The following POLR2F variants were observed in gnomAD, a reference collection of about 807,000 sequenced individuals.
POLR2F encodes the protein RNA polymerase II, I and III subunit F, also known as DNA-directed RNA polymerases I, II, and III subunit RPABC2.
A neutral mutation model predicts 22.7 loss-of-function variants in POLR2F; 12 were observed. That is an observed-to-expected ratio of 0.53 (90% CI 0.34 to 0.86). POLR2F has a LOEUF of 0.86. Among genes scored for constraint, POLR2F ranks in the 40% least tolerant of loss-of-function variants. The probability of loss-of-function intolerance (pLI) is 0.02; values close to 1 mark genes in which losing one functional copy is unlikely to be tolerated. For synonymous variants in POLR2F, 57 were observed against 66.0 expected (o/e 0.86, Z 0.66); for missense variants, 126 against 171.5 (o/e 0.73, Z 1.48).
Position 37,986,586 on chromosome 22 carries a change from T to C in POLR2F, c.120+274T>C, listed in dbSNP as rs1932586939. 5 of 727,558 alleles carry C rather than the reference T, an allele frequency of 6.9e-6. No individual in the cohort carries two copies. In the East Asian group the frequency reaches 8.3e-5, roughly 12 times the overall value. The allele number at this position is 727,558 out of a possible 1,614,324, so 45.1% of individuals were successfully genotyped here. Reference sequence around the variant, plus strand: ...ACGCTCTGTCTGCAGGAAGCCACGCTAGACAGAAGGGGCCACTCCCTCTCT... The same window carrying C: ...ACGCTCTGTCTGCAGGAAGCCACGCCAGACAGAAGGGGCCACTCCCTCTCT... On this transcript the variant is annotated intron_variant, in intron 1 of 2. Coordinates refer to the POLR2F transcript ENST00000333418. This position sits in a 1 kb window ranked among gnomAD's most constrained non-coding sequence, Gnocchi z 4.7.
chr22:37,996,859 G>C (rs1435282113), intron 1 of POLR2F, among the ~76,000 whole-genome samples: 2 of 152,174 alleles, frequency 1.3e-5, no homozygotes, highest in Admixed American at 6.5e-5. Context: ...ATTTGGGTGG[G>C]ACATCTGTAT....
At chr22:37,990,113 G>C (rs1489407884) in intron 1 of POLR2F, among the ~76,000 whole-genome samples, 3 of 152,206 alleles carry the variant, frequency 2.0e-5, no homozygotes, top group African/African-American at 7.2e-5. Flanking sequence ...CCTTCCCTGA[G>C]CCGAGTTGCT....
At chr22:37,969,324 G>A (rs956031489), downstream of POLR2F, 20 of 985,266 alleles carry the variant, frequency 2.0e-5, no homozygotes, top group Non-Finnish European at 2.4e-5. Flanking sequence ...TATTGGTTCT[G>A]TTTTCTTAGG....
At chr22:37,957,243 T>C (rs1931438864) in intron 2 of POLR2F, among the ~76,000 whole-genome samples, 2 of 152,168 alleles carry the variant, frequency 1.3e-5, no homozygotes, top group Admixed American at 6.6e-5. Flanking sequence ...GGGAAGCTAC[T>C]GACAAACTTT....
downstream of POLR2F, among the ~76,000 whole-genome samples, chr22:38,028,567 CGT>C (rs1011827655): frequency 5.3e-5 from 8 of 151,794 alleles, no homozygotes; most frequent in African/African-American, 1.9e-4. Flanking sequence ...TGTGTGCATA[CGT>C]GTGTGCATGA....
At position 37,959,448 on chromosome 22, in the gene POLR2F, G is replaced by A. The variant is rs760223334; in HGVS notation, c.193G>A (p.Val65Met). The change falls in exon 3 of 5, where the codon GTG (valine) becomes ATG (methionine). Residue 65 changes from valine (V) to methionine (M), a missense_variant. Val to Met is a conservative substitution (Grantham distance 21). Coordinates refer to ENST00000442738, the MANE Select transcript of POLR2F (RefSeq NM_021974.5). ...PYMTKYERARVLGTRALQIAM... is the reference protein window; with the variant it reads ...PYMTKYERARMLGTRALQIAM... ...CATGACCAAGTACGAGCGAGCCCGCGTGCTGGGCACCCGAGCGCTCCAGAT... is the reference window on the plus strand; with the variant it reads ...CATGACCAAGTACGAGCGAGCCCGCATGCTGGGCACCCGAGCGCTCCAGAT... 27 of 1,613,874 alleles carry A rather than the reference G, an allele frequency of 1.7e-5. No individual in the cohort carries two copies. Among genetic ancestry groups the A allele is most frequent in the Admixed American group, 5.0e-5 (3 of 59,998 alleles).
At chr22:38,015,081 C>T (rs1173015310) in intron 1 of POLR2F, among the ~76,000 whole-genome samples, 1 of 152,164 alleles carries the variant, frequency 6.6e-6, no homozygotes, top group Non-Finnish European at 1.5e-5. Context: ...GCTAGGATTA[C>T]AGGCATGAGC....
At chr22:38,034,396 C>T (rs1468093195) in intron 5 of POLR2F, among the ~76,000 whole-genome samples, 1 of 152,206 alleles carries the variant, frequency 6.6e-6, no homozygotes, top group Non-Finnish European at 1.5e-5. Context: ...TTCCTGGCCA[C>T]GTGGCGGCAG....
intron 1 of POLR2F, among the ~76,000 whole-genome samples, chr22:38,024,501 C>T (rs557900266): frequency 8.5e-5 from 13 of 152,162 alleles, no homozygotes; most frequent in East Asian, 1.9e-4. Flanking sequence ...TTAGGGATCA[C>T]GGTTTTGTAA....
rs558601523 is a variant in POLR2F, at chr22:38,017,245, G to T, written c.121-8624G>T. Among the ~76,000 whole-genome samples the T allele has an allele frequency of 2.0e-5, 3 of 152,322 alleles. No homozygotes were observed. The East Asian group carries it at 5.8e-4, about 29-fold the overall frequency. On this transcript the variant is annotated intron_variant, in intron 1 of 2. Coordinates refer to the POLR2F transcript ENST00000333418. The surrounding 1 kb of genome is among the most constrained non-coding windows in gnomAD (Gnocchi z 4.1). ...CTCTGGGGGTTTTGGAAATGATGAC[G>T]TGCCCTTCCTAGTCCTGGGTCTGTG...
intron 1 of POLR2F, among the ~76,000 whole-genome samples, chr22:38,010,575 A>G (rs868258344): frequency 6.6e-6 from 1 of 150,608 alleles, no homozygotes; most frequent in African/African-American, 2.4e-5. Flanking sequence ...ATGTATATGT[A>G]ATAAATATGT....
rs1411459352 is a variant in POLR2F, at chr22:37,978,532, T to C, written c.293+11362T>C. 6.6e-6 allele frequency among the ~76,000 whole-genome samples: 1 copy of C among 152,122 alleles called. No individual in the cohort carries two copies. Among genetic ancestry groups the C allele is most frequent in the East Asian group, 1.9e-4 (1 of 5,194 alleles). ...ATTGGCTACTTCAGTGGGGGTGAGC[T>C]CCCTGGGACTGAGGGTGGGCAATAG... is the stretch of plus-strand genomic sequence containing the variant. On this transcript the variant is annotated intron_variant, in intron 4 of 4. Transcript: ENST00000405557. This position sits in a 1 kb window ranked among gnomAD's most constrained non-coding sequence, Gnocchi z 5.0.
Position 37,967,976 on chromosome 22 carries a change from C to A in POLR2F, c.*261C>A. 7.2e-6 allele frequency: 8 copies of A among 1,114,276 alleles called. No homozygotes were observed. Among genetic ancestry groups the A allele is most frequent in the Non-Finnish European group, 8.8e-6 (8 of 911,218 alleles). The allele number at this position is 1,114,276 out of a possible 1,614,324, so 69.0% of individuals were successfully genotyped here. ...CATCCTTCCCTCCATCTCCCTGTTC[C>A]CCAGAGCAAAGGCTGCTGCAGGGGA... On this transcript the variant is annotated 3_prime_UTR_variant, in exon 5 of 5. Transcript: ENST00000442738.
At chr22:38,035,574 A>G (rs2085107947) in intron 5 of POLR2F, among the ~76,000 whole-genome samples, 1 of 152,068 alleles carries the variant, frequency 6.6e-6, no homozygotes, top group Admixed American at 6.5e-5. Flanking sequence ...TCTCCTGCCC[A>G]CCGGCCTCTC....
chr22:37,998,190 G>GC (rs1434922335), intron 1 of POLR2F, among the ~76,000 whole-genome samples: 1 of 152,242 alleles, frequency 6.6e-6, no homozygotes, highest in African/African-American at 2.4e-5. Flanking sequence ...GGCAGGGAAT[G>GC]AGGGGATGTT....
intron 5 of POLR2F, among the ~76,000 whole-genome samples, chr22:38,037,012 C>A (rs1427864839): frequency 2.6e-5 from 4 of 152,204 alleles, no homozygotes; most frequent in Non-Finnish European, 5.9e-5. Flanking sequence ...CATCTCTCTT[C>A]ACGTTTACCC....
chr22:37,996,731 C>T (rs1455641641), intron 1 of POLR2F, among the ~76,000 whole-genome samples: 1 of 152,180 alleles, frequency 6.6e-6, no homozygotes, highest in African/African-American at 2.4e-5. Flanking sequence ...GGGCACAGCC[C>T]CTCTCTGGCC....
intron 1 of POLR2F, among the ~76,000 whole-genome samples, chr22:37,990,369 G>T (rs1932699861): frequency 6.6e-6 from 1 of 152,264 alleles, no homozygotes. Flanking sequence ...GGAAGCTGGG[G>T]CCAGTGTCCA....
exon 6 of POLR2F, chr22:38,041,089 G>A (rs1487475370): frequency 6.2e-7 from 1 of 1,612,946 alleles, no homozygotes; most frequent in Non-Finnish European, 8.5e-7. Context: ...TCAGAGAGGA[G>A]TGACTCGCCT....
Sources: allele counts gnomAD v4.1 joint callset (sites outside exome capture counted in the v4.1 genomes callset), GRCh38; gene constraint gnomAD v4.1.1; non-coding constraint Gnocchi (gnomAD v3.1); transcripts MANE v1.5; gene names NCBI Gene and HGNC (gene_info 2026-07-23, HGNC 2026-07-21).